The following ABR variants were observed in gnomAD, a reference collection of about 807,000 sequenced individuals.
ABR encodes ABR activator of RhoGEF and GTPase, also known as active breakpoint cluster region-related protein.
Under a neutral mutation model 107.2 loss-of-function variants are expected in ABR, and 35 were observed. The ratio of observed to expected loss-of-function variants is 0.33; its 90% CI spans 0.25 to 0.43. The LOEUF is 0.43. Among genes scored for constraint, ABR ranks in the 20% least tolerant of loss-of-function variants. The pLI is 1.00. For missense variants in ABR, 815 were observed against 1,115.2 expected (o/e 0.73, Z 3.83); for synonymous variants, 498 against 462.0 (o/e 1.08, Z -1.00).
intron 1 of ABR, among the ~76,000 whole-genome samples, chr17:1,173,770 G>A (rs544296098): frequency 3.3e-5 from 5 of 152,268 alleles, no homozygotes; most frequent in East Asian, 3.9e-4. Context: ...TGTGGGAGGC[G>A]CTGCCTCAGA....
rs1271623858 is a variant in ABR at position 1,078,798 on chromosome 17, C to T, written c.700+532G>A. The T allele has an allele frequency of 1.2e-5, 19 of 1,535,144 alleles. No homozygotes were observed. The highest frequency in any genetic ancestry group is 6.0e-5 in the South Asian group (5 of 84,030). On this transcript the variant is annotated intron_variant, in intron 6 of 22. Transcript: ENST00000302538. This position sits in a 1 kb window ranked among gnomAD's most constrained non-coding sequence, Gnocchi z 7.5. ...TGGGAGGGTCCGCCACCTCCCACAG[C>T]GAGCACCTGGGTTACCATAGGTGCA... is the stretch of plus-strand genomic sequence containing the variant.
At chr17:1,203,354 C>CG (rs568938130) in intron 1 of ABR, among the ~76,000 whole-genome samples, 1,300 of 55,310 alleles carry the variant, frequency 0.024, 118 homozygotes, top group African/African-American at 0.06. Context: ...GAGGAGCCTG[C>CG]GGGGCGGTCC....
chr17:1,168,259 C>CAT (rs1256379711), intron 1 of ABR, among the ~76,000 whole-genome samples: 1 of 152,086 alleles, frequency 6.6e-6, no homozygotes, highest in Non-Finnish European at 1.5e-5. Context: ...GAGATTGCAC[C>CAT]ATTGCACTCC....
In ABR at chr17:1,005,333, C is replaced by A. The variant is rs189327731; in HGVS notation, c.*747G>T. ...AACCCCAGAAGTGGAGATTCCCAAA[C>A]GGAAAATTCCAGAAATGGGCGCTCC... is the stretch of plus-strand genomic sequence containing the variant. On this transcript the variant is annotated 3_prime_UTR_variant, in exon 23 of 23. Coordinates refer to ENST00000302538, the MANE Select transcript of ABR (RefSeq NM_021962.5). The A allele has an allele frequency of 2.5e-6, 1 of 395,390 alleles. No individual in the cohort carries two copies. Among genetic ancestry groups the A allele is most frequent in the East Asian group, 3.6e-5 (1 of 27,938 alleles). The allele number at this position is 395,390 out of a possible 1,614,324, so 24.5% of individuals were successfully genotyped here.
upstream of ABR, among the ~76,000 whole-genome samples, chr17:1,180,574 C>T (rs1002376364): frequency 1.4e-4 from 22 of 152,196 alleles, no homozygotes; most frequent in Admixed American, 1.4e-3. Flanking sequence ...CACATGTGCC[C>T]CTCCTGGGCG....
chr17:1,003,554 T>A lies in ABR; in HGVS notation c.*2526A>T, dbSNP rs931080386. ...GCAAATGATGGGGCTTTGCATTTTT[T>A]ATTAACATTTTCCTCTCACGTGGTT... On this transcript the variant is annotated 3_prime_UTR_variant, in exon 23 of 23. Coordinates refer to ENST00000302538, the MANE Select transcript of ABR (RefSeq NM_021962.5). 2.6e-5 allele frequency: 4 copies of A among 152,684 alleles called. No individual in the cohort carries two copies. Among genetic ancestry groups the A allele is most frequent in the Non-Finnish European group, 5.9e-5 (4 of 68,048 alleles). The allele number at this position is 152,684 out of a possible 1,614,324, so 9.5% of individuals were successfully genotyped here. A position where few individuals can be genotyped will look rare whatever the true frequency, so the allele number is the denominator to read the frequency against.
chr17:1,047,868 G>T (rs117816918), intron 16 of ABR, among the ~76,000 whole-genome samples: 1 of 152,206 alleles, frequency 6.6e-6, no homozygotes, highest in Admixed American at 6.5e-5. Flanking sequence ...AAGTCCAGGT[G>T]GGGGAATGTG....
intron 16 of ABR, among the ~76,000 whole-genome samples, chr17:1,034,532 GA>G (rs1159758912): frequency 1.3e-5 from 2 of 152,178 alleles, no homozygotes; most frequent in African/African-American, 4.8e-5. Context: ...CGAACATCGA[GA>G]GATACAATTT....
intron 1 of ABR, among the ~76,000 whole-genome samples, chr17:1,139,240 T>G (rs930217606): frequency 6.6e-6 from 1 of 151,594 alleles, no homozygotes; most frequent in African/African-American, 2.4e-5. Flanking sequence ...AAAAAAGAGG[T>G]TTTTTTTGTT....
At chr17:1,204,321 T>C (rs926638254) in intron 1 of ABR, among the ~76,000 whole-genome samples, 1 of 152,170 alleles carries the variant, frequency 6.6e-6, no homozygotes, top group African/African-American at 2.4e-5. Flanking sequence ...GGTGCGCGCC[T>C]GTAATCCCAG....
chr17:1,171,384 C>A (rs926575898), intron 1 of ABR, among the ~76,000 whole-genome samples: 1 of 152,192 alleles, frequency 6.6e-6, no homozygotes, highest in Non-Finnish European at 1.5e-5. Flanking sequence ...AGTAAGCCCA[C>A]AGATCCCTGC....
intron 2 of ABR, among the ~76,000 whole-genome samples, chr17:1,111,024 CT>C (rs1398302825): frequency 2.6e-5 from 4 of 152,204 alleles, no homozygotes; most frequent in Non-Finnish European, 5.9e-5. Flanking sequence ...AGCTCAGGGC[CT>C]GGTACCACGG....
chr17:1,018,247 T>C (rs949209707), intron 16 of ABR, among the ~76,000 whole-genome samples: 1 of 151,636 alleles, frequency 6.6e-6, no homozygotes, highest in East Asian at 2.0e-4. Context: ...TTTCACCGTG[T>C]TAGCCAGGAT....
intron 1 of ABR, among the ~76,000 whole-genome samples, chr17:1,225,844 T>A (rs188912530): frequency 4.6e-5 from 7 of 152,278 alleles, no homozygotes; most frequent in Admixed American, 4.6e-4. Flanking sequence ...ATGAGGGGAC[T>A]CAGGCTCAGA....
intron 1 of ABR, among the ~76,000 whole-genome samples, chr17:1,196,414 G>A (rs2150707462): frequency 6.6e-6 from 1 of 152,226 alleles, no homozygotes; most frequent in African/African-American, 2.4e-5. Context: ...TGGGTGACAA[G>A]AGTGAAAACT....
chr17:1,209,630 G>C (rs2042864903), intron 1 of ABR, among the ~76,000 whole-genome samples: 1 of 151,188 alleles, frequency 6.6e-6, no homozygotes, highest in South Asian at 2.1e-4. Context: ...CTGACCTCTC[G>C]TGGTCATAAA....
intron 10 of ABR, 75 bp from the exon 11 acceptor site, chr17:1,058,942 CCA>C: frequency 6.4e-7 from 1 of 1,572,380 alleles, no homozygotes; most frequent in Admixed American, 1.8e-5. Context: ...GCACGACACT[CCA>C]CTGTGTGTTA....
intron 1 of ABR, among the ~76,000 whole-genome samples, chr17:1,131,271 C>A (rs2039819902): frequency 2.6e-5 from 1 of 39,116 alleles, no homozygotes; most frequent in Non-Finnish European, 4.9e-5. Flanking sequence ...CAGCTCCCCC[C>A]TTTGCACACC....
chr17:1,032,695 AATTT>A (rs10578422), intron 16 of ABR, among the ~76,000 whole-genome samples: 38,880 of 126,008 alleles, frequency 0.31, 8,342 homozygotes, highest in Non-Finnish European at 0.36. Flanking sequence ...CTTGACCTTC[AATTT>A]ATTTAGTGAA....
Sources: allele counts gnomAD v4.1 joint callset (sites outside exome capture counted in the v4.1 genomes callset), GRCh38; gene constraint gnomAD v4.1.1; non-coding constraint Gnocchi (gnomAD v3.1); transcripts MANE v1.5; gene names NCBI Gene and HGNC (gene_info 2026-07-23, HGNC 2026-07-21).